Variants in ATXN10 observed in about 807,000 individuals in gnomAD.
ATXN10 encodes ataxin 10, also known as ataxin-10.
A neutral mutation model predicts 52.9 loss-of-function variants in ATXN10; 28 were observed. The observed-to-expected ratio is 0.53, with a 90% CI of 0.39 to 0.73. The LOEUF (loss-of-function observed/expected upper bound fraction) is 0.73, where lower values mean the gene tolerates loss of function less well. ATXN10 is among the 30% of genes least tolerant of loss of function. The pLI, the probability that ATXN10 is intolerant of heterozygous loss-of-function variation, is 0.00. For synonymous variants in ATXN10, 226 were observed against 221.5 expected (o/e 1.02, Z -0.18); for missense variants, 565 against 577.0 (o/e 0.98, Z 0.21).
chr22:45,715,448 C>T lies in ATXN10; in HGVS notation c.648-2965C>T, dbSNP rs1924409510. On this transcript the variant is annotated intron_variant, in intron 5 of 11. Coordinates refer to ENST00000252934, the MANE Select transcript of ATXN10 (RefSeq NM_013236.4). This position sits in a 1 kb window ranked among gnomAD's most constrained non-coding sequence, Gnocchi z 4.4. The stretch of plus-strand genomic sequence containing the variant: ...GATCAAGTTTGTCCAACCTGCAGGC[C>T]GCATGCAGCCCAGGATGGCTTTGAA... Among the ~76,000 whole-genome samples the T allele has an allele frequency of 1.3e-5, 2 of 152,118 alleles. No homozygotes were observed. The highest frequency in any genetic ancestry group is 2.1e-4 in the South Asian group (1 of 4,826).
Position 45,787,272 on chromosome 22 carries a change from GTGT to G in ATXN10, c.1174-19685_1174-19683del, listed in dbSNP as rs1927353416. On this transcript the variant is annotated intron_variant, in intron 9 of 11. Transcript: ENST00000252934. This position sits in a 1 kb window ranked among gnomAD's most constrained non-coding sequence, Gnocchi z 4.2. ...CCTGAAAGAAGGGTCAGACCCTAGAGTGTTCAGCTGGGCTGCAGTGAGATTTGA... is the reference window on the plus strand; with the variant it reads ...CCTGAAAGAAGGGTCAGACCCTAGAGTCAGCTGGGCTGCAGTGAGATTTGA... Among the ~76,000 whole-genome samples, 1 of 152,168 alleles carries G rather than the reference GTGT, an allele frequency of 6.6e-6. No individual in the cohort carries two copies. Among genetic ancestry groups the G allele is most frequent in the South Asian group, 2.1e-4 (1 of 4,824 alleles).
chr22:45,820,662 A>C lies in ATXN10; in HGVS notation c.1237+13640A>C, dbSNP rs1322841519. 6.6e-6 allele frequency among the ~76,000 whole-genome samples: 1 copy of C among 152,212 alleles called. No individual in the cohort carries two copies. The highest frequency in any genetic ancestry group is 1.5e-5 in the Non-Finnish European group (1 of 68,034). On this transcript the variant is annotated intron_variant, in intron 10 of 11. Transcript: ENST00000252934. The surrounding 1 kb of genome is among the most constrained non-coding windows in gnomAD (Gnocchi z 4.9). ...TGTGCTCACCTTTTCAACTCTTACCATTCTTTAGTCTTAAAATCTTCATTG... is the reference window on the plus strand; with the variant it reads ...TGTGCTCACCTTTTCAACTCTTACCCTTCTTTAGTCTTAAAATCTTCATTG...
At chr22:45,739,411 A>C (rs953050644) in intron 8 of ATXN10, among the ~76,000 whole-genome samples, 1 of 152,190 alleles carries the variant, frequency 6.6e-6, no homozygotes, top group Admixed American at 6.5e-5. Context: ...CATTATTTGC[A>C]ATTTTTTCCT....
Position 45,826,666 on chromosome 22 carries a change from T to C in ATXN10, c.1238-16325T>C, listed in dbSNP as rs1569080087. ...AGTGCAAAAAGAAAAAACTGTCAAC[T>C]AAGAATCGTTTGTCTGTCCAAACTG... On this transcript the variant is annotated intron_variant, in intron 10 of 11. Transcript: ENST00000252934. This position sits in a 1 kb window ranked among gnomAD's most constrained non-coding sequence, Gnocchi z 5.0. Among the ~76,000 whole-genome samples the C allele has an allele frequency of 6.6e-6, 1 of 152,184 alleles. No homozygotes were observed. Among genetic ancestry groups the C allele is most frequent in the Non-Finnish European group, 1.5e-5 (1 of 68,026 alleles).
Position 45,757,668 on chromosome 22 carries a change from A to C in ATXN10, c.1173+17130A>C, listed in dbSNP as rs541678761. ...ATGGATGGGATAAAATTTTTTTTAC[A>C]TACACATAGGATTCAATACATTTTT... On this transcript the variant is annotated intron_variant, in intron 9 of 11. Transcript: ENST00000252934. The surrounding 1 kb of genome is among the most constrained non-coding windows in gnomAD (Gnocchi z 4.6). 6.6e-6 allele frequency among the ~76,000 whole-genome samples: 1 copy of C among 152,096 alleles called. No homozygotes were observed. Among genetic ancestry groups the C allele is most frequent in the South Asian group, 2.1e-4 (1 of 4,832 alleles).
chr22:45,839,225 C>G (rs763010), intron 10 of ATXN10, among the ~76,000 whole-genome samples: 1 of 152,042 alleles, frequency 6.6e-6, no homozygotes, highest in African/African-American at 2.4e-5. Context: ...TGTCAGCCTT[C>G]CACACTTCCT....
intron 3 of ATXN10, among the ~76,000 whole-genome samples, chr22:45,694,955 A>AAAAC (rs1923539959): frequency 6.6e-6 from 1 of 150,606 alleles, no homozygotes; most frequent in African/African-American, 2.4e-5. Context: ...AAAAAAAAAA[A>AAAAC]AAAAAAAAAA....
rs961295475 is a variant in ATXN10, at chr22:45,715,530, G to A, written c.648-2883G>A. Among the ~76,000 whole-genome samples, 20 of 152,134 alleles carry A rather than the reference G, an allele frequency of 1.3e-4. No homozygotes were observed. Among genetic ancestry groups the A allele is most frequent in the African/African-American group, 4.6e-4 (19 of 41,432 alleles). ...ATAACATGAGTTGTTTTTGTTATTT[G>A]CTGTTGTTGTTGTTGTTAAGCTCAT... On this transcript the variant is annotated intron_variant, in intron 5 of 11. Coordinates refer to ENST00000252934, the MANE Select transcript of ATXN10 (RefSeq NM_013236.4). This position sits in a 1 kb window ranked among gnomAD's most constrained non-coding sequence, Gnocchi z 4.4.
At chr22:45,832,505 A>T (rs1647263559) in intron 10 of ATXN10, among the ~76,000 whole-genome samples, 1 of 152,046 alleles carries the variant, frequency 6.6e-6, no homozygotes, top group African/African-American at 2.4e-5. Context: ...ATGCTCTGTC[A>T]CCCCTTTCAG....
intron 5 of ATXN10, among the ~76,000 whole-genome samples, chr22:45,710,319 T>G (rs947687668): frequency 6.6e-6 from 1 of 152,224 alleles, no homozygotes; most frequent in Non-Finnish European, 1.5e-5. Flanking sequence ...TCCGCTGTCT[T>G]TCTGCATGGA....
intron 8 of ATXN10, among the ~76,000 whole-genome samples, chr22:45,739,705 A>C (rs748929768): frequency 1.3e-5 from 2 of 152,232 alleles, no homozygotes; most frequent in Non-Finnish European, 2.9e-5. Context: ...TGTTTTCTTC[A>C]TTATAAAATT....
At chr22:45,752,807 C>T (rs1022477244) in intron 9 of ATXN10, among the ~76,000 whole-genome samples, 7 of 151,440 alleles carry the variant, frequency 4.6e-5, no homozygotes, top group Admixed American at 6.6e-5. Context: ...GGTGCGATCT[C>T]GACGCAACCT....
chr22:45,711,811 T>G (rs1924261050), intron 5 of ATXN10, among the ~76,000 whole-genome samples: 4 of 152,220 alleles, frequency 2.6e-5, no homozygotes, highest in Admixed American at 2.6e-4. Flanking sequence ...TTAGTATAGT[T>G]GTCAGCAGAC....
In ATXN10 at chr22:45,839,113, T is replaced by C. The variant is rs191552860; in HGVS notation, c.1238-3878T>C. Reference sequence around the variant, plus strand: ...TAAGAGTATTAAATGTATATTTAAATGAAAAGTGTGGAGGTTTACTATTAT... The same window carrying C: ...TAAGAGTATTAAATGTATATTTAAACGAAAAGTGTGGAGGTTTACTATTAT... On this transcript the variant is annotated intron_variant, in intron 10 of 11. Coordinates refer to ENST00000252934, the MANE Select transcript of ATXN10 (RefSeq NM_013236.4). 4.2e-3 allele frequency among the ~76,000 whole-genome samples: 642 copies of C among 152,390 alleles called. 1 individual carries two copies. The highest frequency in any genetic ancestry group is 6.5e-3 in the Non-Finnish European group (445 of 68,042).
intron 10 of ATXN10, among the ~76,000 whole-genome samples, chr22:45,821,467 C>T (rs902131008): frequency 2.6e-5 from 4 of 152,174 alleles, no homozygotes; most frequent in African/African-American, 9.7e-5. Flanking sequence ...CCCCAACCTC[C>T]TCTCCCTGCT....
chr22:45,842,173 C>A lies in ATXN10; in HGVS notation c.1238-818C>A, dbSNP rs1929365547. ...TGGATCCAACCACTGAAGACTGGTC[C>A]CTGCAGTAGTTTTTGTACAGTCCTT... On this transcript the variant is annotated intron_variant, in intron 10 of 11. Transcript: ENST00000252934. The surrounding 1 kb of genome is among the most constrained non-coding windows in gnomAD (Gnocchi z 4.8). Among the ~76,000 whole-genome samples the A allele has an allele frequency of 6.6e-6, 1 of 152,096 alleles. No homozygotes were observed. Among genetic ancestry groups the A allele is most frequent in the South Asian group, 2.1e-4 (1 of 4,812 alleles).
intron 7 of ATXN10, among the ~76,000 whole-genome samples, chr22:45,735,773 A>AC (rs1328935949): frequency 7.1e-6 from 1 of 140,990 alleles, no homozygotes; most frequent in African/African-American, 2.6e-5. Flanking sequence ...TTTTTTGCTC[A>AC]CTTCAAAATC....
At chr22:45,702,951 T>G in intron 5 of ATXN10, 104 bp downstream of exon 5, 1 of 1,420,354 alleles carries the variant, frequency 7.0e-7, no homozygotes, top group Non-Finnish European at 9.9e-7. Flanking sequence ...AATTGAACGA[T>G]AAGTTAAAAC....
chr22:45,717,079 T>C (rs899312089), intron 5 of ATXN10, among the ~76,000 whole-genome samples: 2 of 152,272 alleles, frequency 1.3e-5, no homozygotes, highest in Admixed American at 6.5e-5. Flanking sequence ...GTCCTTTTTT[T>C]CCCCTCCTAA....
Sources: allele counts gnomAD v4.1 joint callset (sites outside exome capture counted in the v4.1 genomes callset), GRCh38; gene constraint gnomAD v4.1.1; non-coding constraint Gnocchi (gnomAD v3.1); transcripts MANE v1.5; gene names NCBI Gene and HGNC (gene_info 2026-07-23, HGNC 2026-07-21).